WAPL: variants seen among roughly 807,000 people sequenced by gnomAD.
WAPL encodes the protein wings apart-like protein homolog.
A neutral mutation model predicts 121.0 loss-of-function variants in WAPL; 5 were observed. The ratio of observed to expected loss-of-function variants is 0.04; its 90% CI spans 0.02 to 0.09. The LOEUF is 0.09. Among genes scored for constraint, WAPL ranks in the 10% least tolerant of loss-of-function variants. The probability of loss-of-function intolerance (pLI) is 1.00; values close to 1 mark genes in which losing one functional copy is unlikely to be tolerated. For missense variants in WAPL, 999 were observed against 1,410.8 expected (o/e 0.71, Z 4.68); for synonymous variants, 480 against 481.5 (o/e 1.00, Z 0.04).
chr10:86,482,553 T>TG (rs763869945), intron 4 of WAPL, among the ~76,000 whole-genome samples: 18 of 152,326 alleles, frequency 1.2e-4, no homozygotes, highest in East Asian at 9.6e-4. Context: ...AGAATGGACC[T>TG]GATCCCGAGC....
intron 4 of WAPL, among the ~76,000 whole-genome samples, chr10:86,492,670 G>A (rs1193307101): frequency 2.6e-5 from 4 of 152,124 alleles, no homozygotes; most frequent in Admixed American, 6.5e-5. Context: ...TTAATGCAGT[G>A]AGGCAACAAA....
rs149203854 is a variant in WAPL at position 86,517,907 on chromosome 10, T to C, written c.163A>G (p.Ile55Val). 5.8e-4 allele frequency: 929 copies of C among 1,614,164 alleles called. 1 individual carries two copies. Among genetic ancestry groups the C allele is most frequent in the Middle Eastern group, 3.0e-3 (18 of 6,060 alleles). ...TTAGGTTTCTTCGGAATTTCTTGGATATCTGGTTTGAAATTGGGCCTCTTC... is the reference window on the plus strand; with the variant it reads ...TTAGGTTTCTTCGGAATTTCTTGGACATCTGGTTTGAAATTGGGCCTCTTC... ...GQKRPNFKPD[I>V]QEIPKKPKVE... The change falls in exon 2 of 19, where the codon ATC becomes GTC. Residue 55 changes from isoleucine to valine, a missense_variant. Ile to Val is a conservative substitution (Grantham distance 29, BLOSUM62 3). Around this residue, in one of 7 missense-constraint regions of WAPL, gnomAD observed 531 missense variants for 563.1 expected, o/e 0.94. Coordinates refer to ENST00000298767, the MANE Select transcript of WAPL (RefSeq NM_015045.5).
chr10:86,482,464 A>G (rs913605058), intron 4 of WAPL, among the ~76,000 whole-genome samples: 2 of 152,240 alleles, frequency 1.3e-5, no homozygotes, highest in African/African-American at 4.8e-5. Context: ...AAAAGCGCCA[A>G]GAAGCAAAGG....
At chr10:86,473,812 A>G (rs1432572155) in intron 5 of WAPL, 66 bp downstream of exon 5, 5 of 1,260,088 alleles carry the variant, frequency 4.0e-6, no homozygotes, top group Admixed American at 2.0e-5. Context: ...ATTATGAATT[A>G]AAAGAGTAAC....
intron 17 of WAPL, among the ~76,000 whole-genome samples, chr10:86,438,627 G>C (rs1204010242): frequency 1.3e-5 from 2 of 152,196 alleles, no homozygotes; most frequent in Admixed American, 6.5e-5. Flanking sequence ...GTTTCACTGG[G>C]GGCCCTGGGG....
At position 86,500,610 on chromosome 10, in the gene WAPL, C is replaced by G; in HGVS notation, c.633G>C (p.Trp211Cys). 1.2e-6 allele frequency: 2 copies of G among 1,614,142 alleles called. No individual in the cohort carries two copies. Among genetic ancestry groups the G allele is most frequent in the Non-Finnish European group, 1.7e-6 (2 of 1,180,018 alleles). The part of the protein sequence containing the change: ...ASEIKETNDT[W>C]NSQFGKRPES... The stretch of plus-strand genomic sequence containing the variant: ...CTGGCCTTTTCCCAAACTGGGAGTT[C>G]CAAGTATCATTTGTTTCCTTGATTT... Residue 211 changes from tryptophan (W) to cysteine (C), a missense_variant, in exon 3 of 19, where the codon TGG becomes TGC. Trp to Cys is a radical substitution (Grantham distance 215, BLOSUM62 -2). This residue lies in a region of WAPL where 531 missense variants were observed against 563.1 expected (regional missense o/e 0.94). Coordinates refer to ENST00000298767, the MANE Select transcript of WAPL (RefSeq NM_015045.5).
intron 4 of WAPL, 92 bp downstream of exon 4, chr10:86,497,109 G>A: frequency 9.8e-7 from 1 of 1,020,426 alleles, no homozygotes; most frequent in Non-Finnish European, 1.5e-6. Flanking sequence ...CAGTTGCTAT[G>A]ATGTTTATTA....
At chr10:86,491,861 C>T (rs1179985448) in intron 4 of WAPL, among the ~76,000 whole-genome samples, 2 of 152,140 alleles carry the variant, frequency 1.3e-5, no homozygotes, top group Non-Finnish European at 2.9e-5. Flanking sequence ...CCATCACTTT[C>T]CAGTTACCCT....
intron 12 of WAPL, among the ~76,000 whole-genome samples, chr10:86,457,895 T>TATTTATGG (rs1290436685): frequency 1.3e-5 from 2 of 152,196 alleles, no homozygotes; most frequent in African/African-American, 4.8e-5. Flanking sequence ...TGTACTTAAG[T>TATTTATGG]ATTTATGGAC....
rs189088476 is a variant in WAPL, at chr10:86,452,541, G to A, written c.2950-410C>T. 5.3e-5 allele frequency among the ~76,000 whole-genome samples: 8 copies of A among 150,728 alleles called. 1 individual carries two copies. The highest frequency in any genetic ancestry group is 4.2e-4 in the South Asian group (2 of 4,756). ...CAGGAGATGGAGGTTGCAGTGAGCCGAGACTGTGCCACTGCACTCCAGCCT... is the reference window on the plus strand; with the variant it reads ...CAGGAGATGGAGGTTGCAGTGAGCCAAGACTGTGCCACTGCACTCCAGCCT... On this transcript the variant is annotated intron_variant, in intron 14 of 18. Transcript: ENST00000298767.
At chr10:86,495,710 CAA>C (rs1842136141) in intron 4 of WAPL, among the ~76,000 whole-genome samples, 1 of 152,064 alleles carries the variant, frequency 6.6e-6, no homozygotes, top group Non-Finnish European at 1.5e-5. Flanking sequence ...AGGACAATAT[CAA>C]TACAGTGAAA....
chr10:86,466,785 C>T (rs1052061187), intron 9 of WAPL, among the ~76,000 whole-genome samples: 1 of 152,096 alleles, frequency 6.6e-6, no homozygotes, highest in Non-Finnish European at 1.5e-5. Context: ...TACCCTCAAA[C>T]TCCCCGGGCT....
chr10:86,497,508 TG>T (rs1301180256), intron 3 of WAPL, among the ~76,000 whole-genome samples, 189 bp from the exon 4 acceptor site: 3 of 152,188 alleles, frequency 2.0e-5, no homozygotes, highest in African/African-American at 7.2e-5. Flanking sequence ...CCTTCCTGCT[TG>T]TCCCTCCCGC....
intron 8 of WAPL, among the ~76,000 whole-genome samples, chr10:86,468,880 C>T (rs994128524): frequency 5.3e-5 from 8 of 152,004 alleles, no homozygotes; most frequent in Non-Finnish European, 1.0e-4. Flanking sequence ...GCAGGTGGAT[C>T]ACCTAAGGTC....
At chr10:86,459,920 C>T (rs1381167114) in intron 11 of WAPL, among the ~76,000 whole-genome samples, 4 of 152,134 alleles carry the variant, frequency 2.6e-5, no homozygotes, top group Non-Finnish European at 4.4e-5. Context: ...TTGAGACCAG[C>T]CTGGCCAACA....
intron 9 of WAPL, among the ~76,000 whole-genome samples, chr10:86,464,515 G>A (rs959423991): frequency 6.6e-6 from 1 of 152,104 alleles, no homozygotes; most frequent in Non-Finnish European, 1.5e-5. Context: ...AAAAAAATCA[G>A]TAGACACTGC....
intron 15 of WAPL, among the ~76,000 whole-genome samples, chr10:86,451,076 G>T (rs529260576): frequency 1.2e-4 from 18 of 151,962 alleles, no homozygotes; most frequent in Admixed American, 9.8e-4. Context: ...TAGAGGACAC[G>T]AAGTGGATGT....
intron 4 of WAPL, among the ~76,000 whole-genome samples, chr10:86,484,920 CCT>C (rs757380443): frequency 2.3e-4 from 35 of 152,206 alleles, no homozygotes; most frequent in Non-Finnish European, 4.6e-4. Context: ...AGAATGTAAC[CCT>C]GTCATTAAGT....
intron 12 of WAPL, among the ~76,000 whole-genome samples, chr10:86,454,445 C>T (rs1212431611): frequency 6.6e-6 from 1 of 152,214 alleles, no homozygotes; most frequent in African/African-American, 2.4e-5. Flanking sequence ...CTGGACTGTA[C>T]TGCCGCCATC....
Sources: gnomAD v4.1 joint callset for allele counts (sites outside exome capture counted in the v4.1 genomes callset) on GRCh38, gnomAD v4.1.1 for gene constraint, gnomAD v4.1.1 regional missense constraint, MANE v1.5 for transcripts, NCBI Gene and HGNC (gene_info 2026-07-23, HGNC 2026-07-21) for gene names.